The following RGPD4 variants were observed in gnomAD, a reference collection of about 807,000 sequenced individuals.
RGPD4 encodes ranBP2-like and GRIP domain-containing protein 4.
RGPD4 carries 84 observed loss-of-function variants against 141.1 expected under a neutral mutation model. That is an observed-to-expected ratio of 0.60 (90% CI 0.50 to 0.71). The LOEUF (loss-of-function observed/expected upper bound fraction) is 0.71, where lower values mean the gene tolerates loss of function less well. Among genes scored for constraint, RGPD4 ranks in the 30% least tolerant of loss-of-function variants. RGPD4 has a pLI of 0.00. For missense variants in RGPD4, 918 were observed against 1,622.4 expected (o/e 0.57, Z 7.46); for synonymous variants, 298 against 566.8 (o/e 0.53, Z 6.74).
intron 9 of RGPD4, among the ~76,000 whole-genome samples, chr2:107,858,197 C>T (rs1057374822): frequency 1.3e-5 from 2 of 151,866 alleles, no homozygotes; most frequent in Non-Finnish European, 1.5e-5. Context: ...TATTGGGCAT[C>T]CAAGTTTTCT....
At chr2:107,844,854 T>TTTTTTTTTTTTTTTTTTTTTTTTA (rs1189550093) in intron 6 of RGPD4, among the ~76,000 whole-genome samples, 1 of 109,136 alleles carries the variant, frequency 9.2e-6, no homozygotes, top group Admixed American at 9.1e-5. Flanking sequence ...TTTTTTTTTT[T>TTTTTTTTTTTTTTTTTTTTTTTTA]GAGAGGGAGT....
At chr2:107,890,568 A>AG (rs1472568202) in intron 22 of RGPD4, among the ~76,000 whole-genome samples, 153 bp from the exon 23 acceptor site, 4 of 56,954 alleles carry the variant, frequency 7.0e-5, no homozygotes, top group Admixed American at 2.9e-4. Flanking sequence ...AAAAAAAAAA[A>AG]AAAAAGAACC....
At chr2:107,827,367 C>G (rs1163381837) in intron 1 of RGPD4, among the ~76,000 whole-genome samples, 1 of 107,990 alleles carries the variant, frequency 9.3e-6, no homozygotes, top group Non-Finnish European at 1.9e-5. Context: ...TCATGCCTCC[C>G]GACGGGCGCT....
At chr2:107,828,799 C>T (rs1419960478) in intron 1 of RGPD4, among the ~76,000 whole-genome samples, 8 of 21,394 alleles carry the variant, frequency 3.7e-4, no homozygotes, top group African/African-American at 2.0e-3. Flanking sequence ...CTCCCTGGCG[C>T]GCTCTGTTGA....
intron 1 of RGPD4, 61 bp downstream of exon 1, chr2:107,827,146 T>A: frequency 1.7e-6 from 1 of 584,336 alleles, no homozygotes; most frequent in Non-Finnish European, 2.3e-6. Flanking sequence ...GGCCTCGACC[T>A]GGCCCGGCGG....
intron 22 of RGPD4, among the ~76,000 whole-genome samples, chr2:107,885,468 T>G (rs1317591690): frequency 6.6e-6 from 1 of 152,152 alleles, no homozygotes; most frequent in Non-Finnish European, 1.5e-5. Context: ...TCCTATAAGT[T>G]AAGGGTCCAT....
At chr2:107,833,972 A>G (rs1192129715) in intron 1 of RGPD4, among the ~76,000 whole-genome samples, 1 of 150,660 alleles carries the variant, frequency 6.6e-6, no homozygotes, top group Admixed American at 6.6e-5. Context: ...GAGCCACCGC[A>G]CTCCAGCCTG....
At chr2:107,878,156 C>A (rs1683144649) in intron 20 of RGPD4, among the ~76,000 whole-genome samples, 1 of 151,258 alleles carries the variant, frequency 6.6e-6, no homozygotes. Flanking sequence ...TCCTCATACA[C>A]CTTTCACTTA....
At chr2:107,844,524 C>G (rs1486965494) in intron 6 of RGPD4, among the ~76,000 whole-genome samples, 3 of 151,872 alleles carry the variant, frequency 2.0e-5, no homozygotes, top group African/African-American at 7.3e-5. Flanking sequence ...CTAGTTTAGG[C>G]TGTCCATTTG....
Position 107,856,096 on chromosome 2 carries a change from C to T in RGPD4, c.1067-664C>T, listed in dbSNP as rs1382733626. On this transcript the variant is annotated intron_variant, in intron 8 of 22. Coordinates refer to ENST00000408999, the MANE Select transcript of RGPD4 (RefSeq NM_182588.3). ...CCTGAGACAGTCTTACTCTGTCGCC[C>T]GGGCTGGAGTGCAGTGGCGTGATCT... Among the ~76,000 whole-genome samples, 9 of 134,774 alleles carry T rather than the reference C, an allele frequency of 6.7e-5. 1 individual carries two copies. Among genetic ancestry groups the T allele is most frequent in the South Asian group, 2.4e-4 (1 of 4,082 alleles). The allele number at this position is 134,774 out of a possible 152,430, so 88.4% of individuals were successfully genotyped here.
intron 1 of RGPD4, among the ~76,000 whole-genome samples, chr2:107,828,807 T>C (rs1681345868): frequency 5.4e-5 from 1 of 18,402 alleles, no homozygotes; most frequent in Admixed American, 3.4e-4. Context: ...CGCGCTCTGT[T>C]GAGGCGGCGG....
At chr2:107,866,924 A>G (rs1175825599) in intron 18 of RGPD4, among the ~76,000 whole-genome samples, 9 of 129,150 alleles carry the variant, frequency 7.0e-5, no homozygotes, top group Non-Finnish European at 1.2e-4. Context: ...GACATTTATT[A>G]GAGTATACAG....
At chr2:107,877,614 G>A (rs1323889376) in intron 20 of RGPD4, among the ~76,000 whole-genome samples, 1 of 151,382 alleles carries the variant, frequency 6.6e-6, no homozygotes, top group African/African-American at 2.4e-5. Context: ...ACCTAATCCT[G>A]AAAAATTGCT....
chr2:107,844,823 C>CTTTTTTTTT (rs1681859511), intron 6 of RGPD4, among the ~76,000 whole-genome samples: 7 of 53,854 alleles, frequency 1.3e-4, no homozygotes, highest in African/African-American at 3.4e-4. Flanking sequence ...TTCTTTCTTT[C>CTTTTTTTTT]TTTTTTGTTT....
chr2:107,871,147 T>A lies in RGPD4; in HGVS notation c.3143T>A (p.Val1048Glu). 6.2e-7 allele frequency: 1 copy of A among 1,610,636 alleles called. No individual in the cohort carries two copies. The highest frequency in any genetic ancestry group is 8.5e-7 in the Non-Finnish European group (1 of 1,179,740). Reference sequence around the variant, plus strand: ...CCAGTAGTTCAAATGCCTGAAAAAGTAGAACTTGTAATAGGAGAAGAAGGT... The same window carrying A: ...CCAGTAGTTCAAATGCCTGAAAAAGAAGAACTTGTAATAGGAGAAGAAGGT... ...FEPVVQMPEK[V>E]ELVIGEEGEK... The change falls in exon 20 of 23, where the codon GTA (valine) becomes GAA (glutamate). Residue 1048 changes from valine (V) to glutamate (E), a missense_variant. Coordinates refer to ENST00000408999, the MANE Select transcript of RGPD4 (RefSeq NM_182588.3).
At chr2:107,885,779 C>T (rs1427878857) in intron 22 of RGPD4, among the ~76,000 whole-genome samples, 3 of 151,998 alleles carry the variant, frequency 2.0e-5, no homozygotes, top group East Asian at 1.9e-4. Flanking sequence ...TAAGGCCTGG[C>T]ACGGTGGCTC....
chr2:107,837,188 CTT>C (rs71225100), intron 2 of RGPD4, among the ~76,000 whole-genome samples: 7,780 of 41,880 alleles, frequency 0.19, 425 homozygotes, highest in Middle Eastern at 0.26. Context: ...GGGAGGCAGG[CTT>C]TTTTTTTTTT....
At chr2:107,870,603 G>T in intron 19 of RGPD4, 102 bp from the exon 20 acceptor site, 1 of 941,138 alleles carries the variant, frequency 1.1e-6, no homozygotes, top group Non-Finnish European at 1.6e-6. Context: ...CATCATTATT[G>T]TTAACATCAT....
chr2:107,871,821 T>C lies in RGPD4; in HGVS notation c.3817T>C (p.Leu1273=). ...VSSSSVHASP[L]ASSPVRKNLF... ...TAGTAGCTCAGTACATGCTTCTCCA[T>C]TGGCAAGTAGCCCTGTGAGAAAAAA... Residue 1273 remains leucine, a synonymous_variant, in exon 20 of 23, where the codon TTG becomes CTG. Transcript: ENST00000408999. 1 of 1,611,598 alleles carries C rather than the reference T, an allele frequency of 6.2e-7. No homozygotes were observed. The highest frequency in any genetic ancestry group is 8.5e-7 in the Non-Finnish European group (1 of 1,179,862).
Sources: gnomAD v4.1 joint callset for allele counts (sites outside exome capture counted in the v4.1 genomes callset) on GRCh38, gnomAD v4.1.1 for gene constraint, MANE v1.5 for transcripts, NCBI Gene and HGNC (gene_info 2026-07-23, HGNC 2026-07-21) for gene names.